MROH7: variants seen among roughly 807,000 people sequenced by gnomAD.
MROH7 encodes the protein maestro heat-like repeat-containing protein family member 7.
In MROH7, 113 loss-of-function variants were observed where a neutral mutation model predicts 129.2. That is an observed-to-expected ratio of 0.87 (90% confidence interval 0.75 to 1.02). The LOEUF (loss-of-function observed/expected upper bound fraction) is 1.02. Among genes scored for constraint, MROH7 ranks in the 50% least tolerant of loss-of-function variants. The pLI, the probability that MROH7 is intolerant of heterozygous loss-of-function variation, is 0.00. For synonymous variants in MROH7, 655 were observed against 667.9 expected, an observed-to-expected ratio of 0.98 and a Z score of 0.30; for missense variants, 1,601 against 1,671.3, an observed-to-expected ratio of 0.96 and a Z score of 0.73.
At position 54,702,105 on chromosome 1, in the gene MROH7, C is replaced by A; in HGVS notation, c.3301C>A (p.Arg1101Ser). Reference protein sequence around the residue: ...PHFSDAREVVRSSCINLYGKV... With the variant: ...PHFSDAREVVSSSCINLYGKV... ...TCTTCCCCAGGCACGAGAGGTCGTG[C>A]GCTCCTCCTGCATCAACCTGTATGG... Residue 1101 changes from arginine to serine, a missense_variant, in exon 20 of 24, where the codon CGC becomes AGC. Transcript: ENST00000421030. The A allele has an allele frequency of 6.2e-7, 1 of 1,601,388 alleles. No homozygotes were observed. Among genetic ancestry groups the A allele is most frequent in the Non-Finnish European group, 8.5e-7 (1 of 1,173,134 alleles).
At chr1:54,660,239 A>T (rs1424726655) in intron 3 of MROH7, among the ~76,000 whole-genome samples, 5 of 152,160 alleles carry the variant, frequency 3.3e-5, no homozygotes, top group Non-Finnish European at 5.9e-5. Flanking sequence ...GTATCCCTAC[A>T]TGGTGGTAGG....
At chr1:54,700,088 A>T in intron 17 of MROH7, 1 of 694,926 alleles carries the variant, frequency 1.4e-6, no homozygotes, top group Non-Finnish European at 2.7e-6. Context: ...TCTCATGGGA[A>T]AGGCAACAAC....
chr1:54,651,383 C>T (rs949915247), intron 1 of MROH7: 73 of 152,290 alleles, frequency 4.8e-4, no homozygotes, highest in African/African-American at 1.5e-3. Flanking sequence ...GTCTAGGGGA[C>T]CTGGAAGGCT....
At chr1:54,661,399 A>T (rs1339268388) in intron 3 of MROH7, among the ~76,000 whole-genome samples, 1 of 150,992 alleles carries the variant, frequency 6.6e-6, no homozygotes, top group Non-Finnish European at 1.5e-5. Flanking sequence ...TTTAGTAGAG[A>T]TGGGGTTTCT....
chr1:54,681,061 C>A (rs539514886), intron 13 of MROH7, among the ~76,000 whole-genome samples: 2 of 152,112 alleles, frequency 1.3e-5, no homozygotes, highest in Non-Finnish European at 2.9e-5. Flanking sequence ...CTCCTCCTTG[C>A]GGGGGTCCTT....
At chr1:54,665,321 C>G in intron 4 of MROH7, 81 bp downstream of exon 4, 1 of 1,035,594 alleles carries the variant, frequency 9.7e-7, no homozygotes, top group Non-Finnish European at 1.5e-6. Context: ...GCCCAGCAGC[C>G]TCCGCATTCC....
chr1:54,701,066 A>G, intron 18 of MROH7, 77 bp from the exon 19 acceptor site: 1 of 1,497,864 alleles, frequency 6.7e-7, no homozygotes, highest in Non-Finnish European at 9.2e-7. Context: ...AGTTCATTTC[A>G]GTGAATCAGA....
chr1:54,659,090 G>T (rs1253331014), intron 3 of MROH7: 2 of 437,682 alleles, frequency 4.6e-6, no homozygotes, highest in Non-Finnish European at 9.1e-6. Flanking sequence ...TTTTTTGTTT[G>T]TTTGTTTGTT....
At chr1:54,655,015 ATT>A (rs71045202) in intron 3 of MROH7, among the ~76,000 whole-genome samples, 64 of 136,340 alleles carry the variant, frequency 4.7e-4, no homozygotes, top group Admixed American at 5.2e-4. Flanking sequence ...TGAGAATCCT[ATT>A]TTTTTTTTTT....
intron 3 of MROH7, chr1:54,658,984 C>T (rs1014757577): frequency 1.2e-4 from 36 of 300,824 alleles, no homozygotes; most frequent in Non-Finnish European, 1.6e-4. Context: ...ATCACTGCCC[C>T]GGAGGTGACA....
intron 1 of MROH7, among the ~76,000 whole-genome samples, chr1:54,650,704 A>G (rs994710358): frequency 6.8e-6 from 1 of 146,350 alleles, no homozygotes; most frequent in Non-Finnish European, 1.5e-5. Context: ...ATTTCTCCCT[A>G]TGCATGTTGA....
rs480963 is a variant in MROH7 at position 54,670,856 on chromosome 1, T to G, written c.1526T>G (p.Val509Gly). 18 of 1,613,298 alleles carry G rather than the reference T, an allele frequency of 1.1e-5. No individual in the cohort carries two copies. In the East Asian group the frequency reaches 3.3e-4, roughly 30 times the overall value. The change falls in exon 7 of 24, where the codon GTG (valine) becomes GGG (glycine). Residue 509 changes from valine (V) to glycine (G), a missense_variant. Transcript: ENST00000421030. Reference sequence around the variant, plus strand: ...AGGTCGGAGCTGGTGAACGTGTGTGTGCACAGCGTGTTCTCCCTGCCCTCC... The same window carrying G: ...AGGTCGGAGCTGGTGAACGTGTGTGGGCACAGCGTGTTCTCCCTGCCCTCC... Reference protein sequence around the residue: ...RERSELVNVCVHSVFSLPSVQ... With the variant: ...RERSELVNVCGHSVFSLPSVQ...
At chr1:54,644,275 A>T (rs1406310126) in intron 1 of MROH7, among the ~76,000 whole-genome samples, 1 of 151,130 alleles carries the variant, frequency 6.6e-6, no homozygotes, top group East Asian at 1.9e-4. Flanking sequence ...TTTGTTGTTT[A>T]GACCTTCCTT....
chr1:54,686,361 A>G lies in MROH7; in HGVS notation c.2624A>G (p.Tyr875Cys). 1 of 1,614,096 alleles carries G rather than the reference A, an allele frequency of 6.2e-7. No homozygotes were observed. Among genetic ancestry groups the G allele is most frequent in the African/African-American group, 1.3e-5 (1 of 75,030 alleles). ...LLLALLIQVHYHIGLNLPGCV... is the reference protein window; with the variant it reads ...LLLALLIQVHCHIGLNLPGCV... ...CTGGCCCTGCTCATTCAGGTCCATT[A>G]CCACATCGGCCTCAACCTGCCTGGC... The change falls in exon 15 of 24, where the codon TAC (tyrosine) becomes TGC (cysteine). Residue 875 changes from tyrosine (Y) to cysteine (C), a missense_variant. Physicochemically the swap from Tyr to Cys is radical, Grantham distance 194. Transcript: ENST00000421030.
At chr1:54,686,528 G>A (rs1569950787) in intron 15 of MROH7, 80 bp downstream of exon 15, 1 of 1,305,658 alleles carries the variant, frequency 7.7e-7, no homozygotes, top group Non-Finnish European at 1.1e-6. Context: ...AAAAGTCTCA[G>A]GGGCAATCAA....
At chr1:54,697,934 C>T (rs1557725726) in intron 17 of MROH7, 2 of 429,512 alleles carry the variant, frequency 4.7e-6, no homozygotes, top group Non-Finnish European at 8.3e-6. Context: ...CCCCACCATT[C>T]CCTGGACTCC....
intron 7 of MROH7, among the ~76,000 whole-genome samples, chr1:54,671,585 G>A (rs888523338): frequency 1.3e-5 from 2 of 152,204 alleles, no homozygotes; most frequent in Admixed American, 1.3e-4. Flanking sequence ...CAGAACCTCA[G>A]GGGGCTCATG....
intron 3 of MROH7, 144 bp from the exon 4 acceptor site, chr1:54,665,023 A>C (rs1383308439): frequency 1.7e-6 from 1 of 596,152 alleles, no homozygotes; most frequent in Non-Finnish European, 3.0e-6. Flanking sequence ...TCTCAAAAAA[A>C]AGGAAAAGAA....
chr1:54,682,160 CT>C (rs36109984), intron 13 of MROH7, among the ~76,000 whole-genome samples: 50,218 of 134,722 alleles, frequency 0.37, 8,512 homozygotes, highest in Non-Finnish European at 0.39. Flanking sequence ...TTCTTTCTTT[CT>C]TTTTTTTTTT....
Sources: allele counts gnomAD v4.1 joint callset (sites outside exome capture counted in the v4.1 genomes callset), GRCh38; gene constraint gnomAD v4.1.1; transcripts MANE v1.5; gene names NCBI Gene and HGNC (gene_info 2026-07-23, HGNC 2026-07-21).